Variants in CACNB2 observed in about 807,000 individuals in gnomAD.
CACNB2 encodes the protein calcium voltage-gated channel auxiliary subunit beta 2.
A neutral mutation model predicts 73.3 loss-of-function variants in CACNB2; 42 were observed. That is an observed-to-expected ratio of 0.57 (90% CI 0.45 to 0.74). The LOEUF is 0.74. CACNB2 is among the 30% of genes least tolerant of loss of function. The pLI, the probability that CACNB2 is intolerant of heterozygous loss-of-function variation, is 0.00. For missense variants in CACNB2, 940 were observed against 853.0 expected (o/e 1.10, Z -1.27); for synonymous variants, 348 against 310.3 (o/e 1.12, Z -1.28).
intron 2 of CACNB2, among the ~76,000 whole-genome samples, chr10:18,189,522 C>G (rs1033523532): frequency 2.0e-5 from 3 of 152,064 alleles, no homozygotes; most frequent in Non-Finnish European, 4.4e-5. Flanking sequence ...ACTGTGAACC[C>G]TTTTCTATTT....
At chr10:18,294,937 A>T (rs1362420201) in intron 2 of CACNB2, among the ~76,000 whole-genome samples, 1 of 152,242 alleles carries the variant, frequency 6.6e-6, no homozygotes, top group Non-Finnish European at 1.5e-5. Context: ...AGTGCCTGCC[A>T]ATGAAGGTTA....
intron 2 of CACNB2, among the ~76,000 whole-genome samples, chr10:18,332,043 G>C (rs1269952723): frequency 1.3e-5 from 2 of 152,184 alleles, no homozygotes; most frequent in African/African-American, 4.8e-5. Flanking sequence ...TGGGGATGAA[G>C]GGGCAGAGAG....
chr10:18,274,900 T>A (rs2038212100), intron 2 of CACNB2, among the ~76,000 whole-genome samples: 1 of 152,162 alleles, frequency 6.6e-6, no homozygotes, highest in Admixed American at 6.5e-5. Flanking sequence ...TCTGTATGAT[T>A]TCTTATTACA....
chr10:18,204,060 A>C (rs1380300544), intron 2 of CACNB2, among the ~76,000 whole-genome samples: 4 of 152,236 alleles, frequency 2.6e-5, no homozygotes, highest in Non-Finnish European at 5.9e-5. Flanking sequence ...TCCTTATAGG[A>C]GAAAAAACGT....
intron 2 of CACNB2, among the ~76,000 whole-genome samples, chr10:18,364,670 TCTC>T (rs1372716287): frequency 6.6e-6 from 1 of 152,180 alleles, no homozygotes. Flanking sequence ...TCTTCTTTCA[TCTC>T]CTGCCTGTTC....
intron 3 of CACNB2, among the ~76,000 whole-genome samples, chr10:18,484,173 C>G (rs957951424): frequency 6.6e-6 from 1 of 152,160 alleles, no homozygotes; most frequent in African/African-American, 2.4e-5. Context: ...GCGGGCAGAT[C>G]ACTTGAGGTC....
chr10:18,261,350 G>C lies in CACNB2; in HGVS notation c.213+110375G>C, dbSNP rs892094980. 6 of 1,551,462 alleles carry C rather than the reference G, an allele frequency of 3.9e-6. No individual in the cohort carries two copies. In the Admixed American group the frequency reaches 5.9e-5, roughly 15 times the overall value. On this transcript the variant is annotated intron_variant, in intron 2 of 13. Transcript: ENST00000324631. ...TCTATTGCTGTAGAATTGCAGCTGG[G>C]AGCTGAAAATACTATTCGTGTCTGT...
chr10:18,430,645 C>G (rs908316946), intron 3 of CACNB2, among the ~76,000 whole-genome samples: 1 of 152,060 alleles, frequency 6.6e-6, no homozygotes, highest in South Asian at 2.1e-4. Context: ...ATCAGTCAAT[C>G]AGTAGTAAAG....
chr10:18,413,501 G>A (rs1337132275), intron 3 of CACNB2, among the ~76,000 whole-genome samples: 4 of 152,114 alleles, frequency 2.6e-5, no homozygotes, highest in African/African-American at 9.7e-5. Flanking sequence ...ACTTAAAATT[G>A]AGCTCCCAGT....
At chr10:18,356,941 TC>T (rs2041935757) in intron 2 of CACNB2, among the ~76,000 whole-genome samples, 1 of 118,768 alleles carries the variant, frequency 8.4e-6, no homozygotes, top group Non-Finnish European at 1.9e-5. Flanking sequence ...AGACTCAATT[TC>T]TTTTTTTTTT....
At chr10:18,246,643 C>T (rs1232953115) in intron 2 of CACNB2, among the ~76,000 whole-genome samples, 5 of 152,070 alleles carry the variant, frequency 3.3e-5, no homozygotes, top group African/African-American at 4.8e-5. Context: ...TGCAGTGGTG[C>T]GATCATGGCT....
intron 2 of CACNB2, among the ~76,000 whole-genome samples, chr10:18,382,219 T>C (rs1352401178): frequency 2.0e-5 from 3 of 151,954 alleles, no homozygotes; most frequent in African/African-American, 2.4e-5. Context: ...TCCTCCAGCA[T>C]TGTCTAGAAT....
intron 2 of CACNB2, among the ~76,000 whole-genome samples, chr10:18,387,386 A>C (rs1051274262): frequency 6.6e-6 from 1 of 151,932 alleles, no homozygotes; most frequent in Admixed American, 6.6e-5. Flanking sequence ...TGTCTCCCTC[A>C]CTCGACTGGG....
chr10:18,301,634 G>C (rs1219629284), intron 2 of CACNB2, among the ~76,000 whole-genome samples: 1 of 143,390 alleles, frequency 7.0e-6, no homozygotes, highest in African/African-American at 2.6e-5. Flanking sequence ...AATCCACTAA[G>C]CCTTTCTCTC....
At chr10:18,264,101 A>G (rs755011866) in intron 2 of CACNB2, among the ~76,000 whole-genome samples, 1 of 152,210 alleles carries the variant, frequency 6.6e-6, no homozygotes, top group Non-Finnish European at 1.5e-5. Flanking sequence ...TTTCTGTGAA[A>G]CACTTCTCAA....
chr10:18,301,599 A>G (rs1300518127), intron 2 of CACNB2, among the ~76,000 whole-genome samples: 1 of 151,860 alleles, frequency 6.6e-6, no homozygotes, highest in East Asian at 1.9e-4. Context: ...TGTCGCAAAA[A>G]CAAACGAAAC....
In CACNB2 at chr10:18,240,750, G is replaced by A. The variant is rs1588811855; in HGVS notation, c.213+89775G>A. 2.6e-5 allele frequency among the ~76,000 whole-genome samples: 4 copies of A among 151,886 alleles called. No homozygotes were observed. In the South Asian group the frequency reaches 6.2e-4, roughly 24 times the overall value. On this transcript the variant is annotated intron_variant, in intron 2 of 13. Coordinates refer to ENST00000324631, the MANE Select transcript of CACNB2 (RefSeq NM_201596.3). ...AACCAGTCTGTCACCCAGTCCTTTG[G>A]TCTCATCATTAAGAATCCTGAGCAG...
rs545156636 is a variant in CACNB2, at chr10:18,468,943, G to T, written c.334-29412G>T. Among the ~76,000 whole-genome samples the T allele has an allele frequency of 4.6e-5, 7 of 152,290 alleles. No individual in the cohort carries two copies. In the South Asian group the frequency reaches 1.2e-3, roughly 27 times the overall value. ...AGGTGCCATAAGTGATATACAGCCA[G>T]GTGGTTACTATAAAATGTTTGCAGA... On this transcript the variant is annotated intron_variant, in intron 3 of 13. Coordinates refer to ENST00000324631, the MANE Select transcript of CACNB2 (RefSeq NM_201596.3).
At chr10:18,498,027 AT>A (rs1256374972) in intron 3 of CACNB2, among the ~76,000 whole-genome samples, 1 of 152,172 alleles carries the variant, frequency 6.6e-6, no homozygotes, top group Non-Finnish European at 1.5e-5. Flanking sequence ...GATTTTATTC[AT>A]GTTTGTGTTT....
Sources: allele counts gnomAD v4.1 joint callset (sites outside exome capture counted in the v4.1 genomes callset), GRCh38; gene constraint gnomAD v4.1.1; transcripts MANE v1.5; gene names NCBI Gene and HGNC (gene_info 2026-07-23, HGNC 2026-07-21).